The following CDKL3 variants were observed in gnomAD, a reference collection of about 807,000 sequenced individuals.
The protein encoded by CDKL3 is cyclin dependent kinase like 3.
In CDKL3, 65 loss-of-function variants were observed where a neutral mutation model predicts 69.3. That is an observed-to-expected ratio of 0.94 (90% confidence interval 0.77 to 1.15). The LOEUF (loss-of-function observed/expected upper bound fraction) is 1.15. CDKL3 is among the 50% of genes most tolerant of loss of function. The pLI, the probability that CDKL3 is intolerant of heterozygous loss-of-function variation, is 0.00. For missense variants in CDKL3, 652 were observed against 689.2 expected (o/e 0.95, Z 0.61); for synonymous variants, 202 against 221.6 (o/e 0.91, Z 0.79).
At chr5:134,344,511 T>C (rs1751323899) in intron 4 of CDKL3, among the ~76,000 whole-genome samples, 1 of 151,982 alleles carries the variant, frequency 6.6e-6, no homozygotes, top group Non-Finnish European at 1.5e-5. Flanking sequence ...AAGGACAATA[T>C]ACAAATGGCC....
rs182372467 is a variant in CDKL3 at position 134,298,883 on chromosome 5, G to A, written c.1720-173C>T. 5.2e-3 allele frequency among the ~76,000 whole-genome samples: 784 copies of A among 151,254 alleles called. 3 individuals carry two copies. Among genetic ancestry groups the A allele is most frequent in the Non-Finnish European group, 8.4e-3 (572 of 67,796 alleles). On this transcript the variant is annotated intron_variant, in intron 12 of 12. Transcript: ENST00000265334. Reference sequence around the variant, plus strand: ...GCTCAACTTCCATCTTTTTTTTTGCGGGGGGCAGCGGGATGGAGTCTCGCT... The same window carrying A: ...GCTCAACTTCCATCTTTTTTTTTGCAGGGGGCAGCGGGATGGAGTCTCGCT...
At chr5:134,300,779 A>C (rs1418554893) in intron 12 of CDKL3, among the ~76,000 whole-genome samples, 1 of 152,122 alleles carries the variant, frequency 6.6e-6, no homozygotes, top group Non-Finnish European at 1.5e-5. Context: ...TGGACTAGAA[A>C]GTAATTTTAG....
At chr5:134,371,514 T>A, upstream of CDKL3, 1 of 1,511,772 alleles carries the variant, frequency 6.6e-7, no homozygotes. Context: ...CGATCCACAG[T>A]GATTCGGCCG....
At chr5:134,333,774 G>A (rs545322518) in intron 4 of CDKL3, among the ~76,000 whole-genome samples, 268 of 150,742 alleles carry the variant, frequency 1.8e-3, no homozygotes, top group Non-Finnish European at 2.7e-3. Flanking sequence ...CTAAAATTCT[G>A]TTTTGTTGTG....
intron 4 of CDKL3, among the ~76,000 whole-genome samples, chr5:134,346,961 G>A (rs1046693986): frequency 6.6e-6 from 1 of 152,082 alleles, no homozygotes; most frequent in African/African-American, 2.4e-5. Flanking sequence ...AACAAATCAA[G>A]CATTTACCCA....
chr5:134,303,710 C>A (rs537633242), intron 11 of CDKL3, among the ~76,000 whole-genome samples: 3 of 149,000 alleles, frequency 2.0e-5, no homozygotes, highest in African/African-American at 4.9e-5. Flanking sequence ...ATTAGCCAGG[C>A]GTGTTGGTGG....
intron 3 of CDKL3, among the ~76,000 whole-genome samples, chr5:134,350,896 C>G (rs1024332546): frequency 6.6e-6 from 1 of 151,374 alleles, no homozygotes; most frequent in Non-Finnish European, 1.5e-5. Context: ...TGAAATTTTA[C>G]TTTCCTTTAA....
chr5:134,342,708 A>G (rs559534012), intron 4 of CDKL3, among the ~76,000 whole-genome samples: 3 of 152,370 alleles, frequency 2.0e-5, no homozygotes, highest in East Asian at 3.9e-4. Flanking sequence ...TAAGACAGCA[A>G]TAACCTCCAA....
At chr5:134,348,391 G>C (rs1026584271) in intron 4 of CDKL3, among the ~76,000 whole-genome samples, 2 of 152,160 alleles carry the variant, frequency 1.3e-5, no homozygotes, top group Admixed American at 1.3e-4. Context: ...TGTTATGTGA[G>C]ATATTCTGTG....
At position 134,308,349 on chromosome 5, in the gene CDKL3, G is replaced by A; in HGVS notation, c.1153C>T (p.Gln385Ter). Reference sequence around the variant, plus strand: ...GGATGAACATTTTCATTTGCATCCTGTTGACCAAGTCCACCTTCATACTCT... The same window carrying A: ...GGATGAACATTTTCATTTGCATCCTATTGACCAAGTCCACCTTCATACTCT... ...KKEYEGGLGQ[Q>*]DANENVHPMS... Residue 385 changes from glutamine to a stop codon, truncating the protein, a stop_gained, in exon 9 of 13, where the codon CAG becomes TAG. Coordinates refer to ENST00000265334, the MANE Select transcript of CDKL3 (RefSeq NM_001113575.2). LOFTEE classifies it high-confidence loss of function. The A allele has an allele frequency of 6.2e-7, 1 of 1,613,818 alleles. No individual in the cohort carries two copies. The highest frequency in any genetic ancestry group is 8.5e-7 in the Non-Finnish European group (1 of 1,179,762).
intron 6 of CDKL3, among the ~76,000 whole-genome samples, chr5:134,318,513 C>T (rs4498301): frequency 0.16 from 23,595 of 151,796 alleles, 2,360 homozygotes; most frequent in African/African-American, 0.28. Flanking sequence ...TGAGACGGAG[C>T]CTCTCTCTGT....
intron 5 of CDKL3, 62 bp from the exon 6 acceptor site, chr5:134,319,559 A>G (rs1291406629): frequency 7.5e-7 from 1 of 1,332,818 alleles, no homozygotes; most frequent in Non-Finnish European, 1.0e-6. Flanking sequence ...CAAAACAATC[A>G]AATTGCTATG....
intron 3 of CDKL3, among the ~76,000 whole-genome samples, chr5:134,358,583 C>T (rs1402690253): frequency 2.0e-5 from 3 of 151,678 alleles, no homozygotes; most frequent in Admixed American, 6.6e-5. Context: ...CACTCCAAAC[C>T]AGCTTGCTAT....
At chr5:134,340,349 CA>C (rs1357197921) in intron 4 of CDKL3, among the ~76,000 whole-genome samples, 1 of 151,592 alleles carries the variant, frequency 6.6e-6, no homozygotes, top group Non-Finnish European at 1.5e-5. Flanking sequence ...ACCAAGCAAA[CA>C]AAAAGAAGGA....
chr5:134,323,012 T>G (rs1175243335), intron 4 of CDKL3, among the ~76,000 whole-genome samples: 1 of 151,254 alleles, frequency 6.6e-6, no homozygotes, highest in East Asian at 1.9e-4. Flanking sequence ...GGTAGGTCTA[T>G]CTATATGTGC....
chr5:134,305,761 T>C (rs1767646486), intron 10 of CDKL3, among the ~76,000 whole-genome samples: 1 of 152,236 alleles, frequency 6.6e-6, no homozygotes, highest in Admixed American at 6.5e-5. Flanking sequence ...TTTTTGTTAT[T>C]ATAATTAACA....
At chr5:134,304,832 A>ATAATAATAT (rs1554078708) in intron 10 of CDKL3, among the ~76,000 whole-genome samples, 5 of 146,388 alleles carry the variant, frequency 3.4e-5, no homozygotes, top group African/African-American at 1.3e-4. Context: ...AATAATAATA[A>ATAATAATAT]TATTATTATT....
At chr5:134,335,796 T>TGC (rs2149539135) in intron 4 of CDKL3, among the ~76,000 whole-genome samples, 1 of 152,276 alleles carries the variant, frequency 6.6e-6, no homozygotes, top group South Asian at 2.1e-4. Context: ...GACAATTATG[T>TGC]GTCTTGGGGT....
At chr5:134,312,270 C>T (rs776447410) in intron 7 of CDKL3, 22 bp downstream of exon 7, 3 of 1,416,796 alleles carry the variant, frequency 2.1e-6, no homozygotes, top group Non-Finnish European at 2.9e-6. Context: ...TTAAAAAACC[C>T]ACATTCACTC....
Sources: gnomAD v4.1 joint callset for allele counts (sites outside exome capture counted in the v4.1 genomes callset) on GRCh38, gnomAD v4.1.1 for gene constraint, MANE v1.5 for transcripts, NCBI Gene and HGNC (gene_info 2026-07-23, HGNC 2026-07-21) for gene names.